The following ZC3H18 variants were observed in gnomAD, a reference collection of about 807,000 sequenced individuals.
ZC3H18 encodes the protein zinc finger CCCH-type containing 18.
ZC3H18 carries 8 observed loss-of-function variants against 106.1 expected under a neutral mutation model. The ratio of observed to expected loss-of-function variants is 0.08; its 90% CI spans 0.04 to 0.14. The LOEUF is 0.14. Among genes scored for constraint, ZC3H18 ranks in the 10% least tolerant of loss-of-function variants. ZC3H18 has a pLI of 1.00. For synonymous variants in ZC3H18, 635 were observed against 522.1 expected, an observed-to-expected ratio of 1.22 and a Z score of -2.95; for missense variants, 1,318 against 1,278.4, an observed-to-expected ratio of 1.03 and a Z score of -0.47.
At chr16:88,586,718 A>T in intron 3 of ZC3H18, 34 bp downstream of exon 3, 2 of 1,594,032 alleles carry the variant, frequency 1.3e-6, no homozygotes, top group South Asian at 1.1e-5. Flanking sequence ...TCTCGCAGCC[A>T]GCTGGGGCCC....
At chr16:88,629,830 C>T (rs1349853696) in intron 16 of ZC3H18, among the ~76,000 whole-genome samples, 2 of 152,256 alleles carry the variant, frequency 1.3e-5, no homozygotes, top group East Asian at 1.9e-4. Flanking sequence ...GCCACCCGCA[C>T]AGACACTCCC....
At chr16:88,580,206 GTGTATA>G (rs1183426978) in intron 2 of ZC3H18, among the ~76,000 whole-genome samples, 83 of 61,344 alleles carry the variant, frequency 1.4e-3, no homozygotes, top group African/African-American at 2.5e-3. Context: ...GTGTGTGTGT[GTGTATA>G]TGTATATGTC....
At chr16:88,573,753 C>T (rs771206158) in intron 1 of ZC3H18, among the ~76,000 whole-genome samples, 8 of 151,878 alleles carry the variant, frequency 5.3e-5, no homozygotes, top group Admixed American at 1.3e-4. Context: ...AGTCCTGTCT[C>T]TGGATAGTAA....
chr16:88,622,605 C>A, intron 9 of ZC3H18: 1 of 554,774 alleles, frequency 1.8e-6, no homozygotes, highest in Non-Finnish European at 3.1e-6. Flanking sequence ...AAATGGGGCA[C>A]AGACCCCGGC....
chr16:88,609,277 G>T, intron 7 of ZC3H18: 1 of 311,552 alleles, frequency 3.2e-6, no homozygotes, highest in South Asian at 4.4e-5. Flanking sequence ...TCTTGCTATG[G>T]TTTTGTTTTT....
chr16:88,590,721 A>T (rs1327096905), intron 3 of ZC3H18, among the ~76,000 whole-genome samples: 9 of 150,116 alleles, frequency 6.0e-5, no homozygotes, highest in African/African-American at 2.2e-4. Context: ...CACCACCCCC[A>T]ACTCATTTTT....
intron 6 of ZC3H18, among the ~76,000 whole-genome samples, chr16:88,604,276 C>T (rs916206870): frequency 2.1e-4 from 32 of 151,528 alleles, no homozygotes; most frequent in South Asian, 6.3e-4. Context: ...CTCTTGAGCC[C>T]GAGAGGTGGA....
chr16:88,596,506 G>A (rs982428335), intron 3 of ZC3H18, among the ~76,000 whole-genome samples: 4 of 152,030 alleles, frequency 2.6e-5, no homozygotes, highest in Non-Finnish European at 5.9e-5. Flanking sequence ...CTGGCATGGT[G>A]GTACCCGCCT....
chr16:88,611,928 T>C (rs1172828069), intron 8 of ZC3H18, among the ~76,000 whole-genome samples: 1 of 152,096 alleles, frequency 6.6e-6, no homozygotes, highest in East Asian at 1.9e-4. Flanking sequence ...TTCCAAAGCA[T>C]GCCTGGCCCC....
intron 2 of ZC3H18, among the ~76,000 whole-genome samples, chr16:88,581,185 A>T (rs1244634068): frequency 6.6e-6 from 1 of 152,210 alleles, no homozygotes; most frequent in Non-Finnish European, 1.5e-5. Context: ...AATTTAAAAA[A>T]CAGATGGGGT....
rs773528737 is a variant in ZC3H18 at position 88,628,746 on chromosome 16, C to G, written c.2470-12C>G. The G allele has an allele frequency of 6.2e-7, 1 of 1,613,896 alleles. No homozygotes were observed. The highest frequency in any genetic ancestry group is 1.6e-4 in the Middle Eastern group (1 of 6,062). ...GGCCCTGCTGTCCTCACTGGCCTCT[C>G]TCTTGTCCCAGGCGGCTGATAAAGG... On this transcript the variant is annotated splice_polypyrimidine_tract_variant and intron_variant, in intron 15 of 17. Transcript: ENST00000301011.
intron 2 of ZC3H18, among the ~76,000 whole-genome samples, chr16:88,581,938 T>G (rs1218245114): frequency 2.0e-5 from 3 of 152,244 alleles, no homozygotes; most frequent in African/African-American, 7.2e-5. Flanking sequence ...TGTTTATATC[T>G]GACTTGACAT....
At chr16:88,607,897 C>T (rs534261193) in intron 6 of ZC3H18, among the ~76,000 whole-genome samples, 4 of 152,362 alleles carry the variant, frequency 2.6e-5, no homozygotes, top group Non-Finnish European at 4.4e-5. Context: ...CAGGAATCAG[C>T]TCTGCACATT....
intron 8 of ZC3H18, among the ~76,000 whole-genome samples, chr16:88,615,420 G>A (rs1463169564): frequency 3.9e-5 from 6 of 152,198 alleles, no homozygotes; most frequent in Non-Finnish European, 5.9e-5. Context: ...CCTGCTCCCC[G>A]TTGCAGCCTC....
chr16:88,622,554 C>T (rs964816616), intron 9 of ZC3H18, 166 bp downstream of exon 9: 8 of 722,464 alleles, frequency 1.1e-5, no homozygotes, highest in Non-Finnish European at 1.8e-5. Flanking sequence ...ATACCTTCAG[C>T]AAAGAGCATC....
chr16:88,593,582 C>T (rs8053676), intron 3 of ZC3H18, among the ~76,000 whole-genome samples: 66,977 of 152,074 alleles, frequency 0.44, 15,133 homozygotes, highest in East Asian at 0.57. Flanking sequence ...GGAGTGGCAG[C>T]GTGGGTAGAG....
rs145364158 is a variant in ZC3H18, at chr16:88,606,615, C to T, written c.1089-2319C>T. On this transcript the variant is annotated intron_variant, in intron 6 of 17. Transcript: ENST00000301011. ...GGGGCCACAGCCATGCACCACCAGA[C>T]CTGGCTGCTGATGTGTTTTTTGTAG... Among the ~76,000 whole-genome samples, 311 of 152,332 alleles carry T rather than the reference C, an allele frequency of 2.0e-3. 2 individuals are homozygous for T. Among genetic ancestry groups the T allele is most frequent in the Middle Eastern group, 6.8e-3 (2 of 294 alleles).
At position 88,627,746 on chromosome 16, in the gene ZC3H18, C is replaced by T. The variant is rs749633296; in HGVS notation, c.2233C>T (p.Arg745Trp). ...TAGCCCCGTGTCCTCAGCCAGCTCT[C>T]GGTCCCCGGCCCCAGCCCAGACCAG... ...LASPVSSASSRSPAPAQTRKE... is the reference protein window; with the variant it reads ...LASPVSSASSWSPAPAQTRKE... The change falls in exon 14 of 18, where the codon CGG becomes TGG. Residue 745 changes from arginine (R) to tryptophan (W), a missense_variant. By Grantham distance (101) the Arg-to-Trp change is moderately radical. Coordinates refer to ENST00000301011, the MANE Select transcript of ZC3H18 (RefSeq NM_144604.4). This position sits in a 1 kb window ranked among gnomAD's most constrained non-coding sequence, Gnocchi z 4.5. 4.3e-6 allele frequency: 7 copies of T among 1,612,970 alleles called. No homozygotes were observed. Among genetic ancestry groups the T allele is most frequent in the East Asian group, 2.2e-5 (1 of 44,842 alleles).
intron 16 of ZC3H18, 147 bp downstream of exon 16, chr16:88,629,001 G>A (rs1906498122): frequency 2.7e-6 from 2 of 737,854 alleles, no homozygotes; most frequent in Non-Finnish European, 4.5e-6. Flanking sequence ...TCGGTATTTA[G>A]GGTGTTGAAA....
Sources: gnomAD v4.1 joint callset for allele counts (sites outside exome capture counted in the v4.1 genomes callset) on GRCh38, gnomAD v4.1.1 for gene constraint, Gnocchi (gnomAD v3.1) non-coding constraint, MANE v1.5 for transcripts, NCBI Gene and HGNC (gene_info 2026-07-23, HGNC 2026-07-21) for gene names.